Variants in GPATCH2 observed in about 807,000 individuals in gnomAD.
The protein encoded by GPATCH2 is G-patch domain containing 2.
A neutral mutation model predicts 58.0 loss-of-function variants in GPATCH2; 51 were observed. That is an observed-to-expected ratio of 0.88 (90% CI 0.70 to 1.11). The LOEUF is 1.11. Ranked by LOEUF, GPATCH2 falls within the 50% of genes most tolerant of loss-of-function variation. The pLI is 0.00. For synonymous variants in GPATCH2, 222 were observed against 218.5 expected, an observed-to-expected ratio of 1.02 and a Z score of -0.14; for missense variants, 625 against 652.2, an observed-to-expected ratio of 0.96 and a Z score of 0.45.
At chr1:217,624,917 A>G (rs1669378267) in intron 1 of GPATCH2, among the ~76,000 whole-genome samples, 1 of 152,224 alleles carries the variant, frequency 6.6e-6, no homozygotes, top group Admixed American at 6.5e-5. Context: ...TAGTTTTATT[A>G]AAATAGTCCG....
At chr1:217,504,698 G>A (rs543455043) in intron 6 of GPATCH2, among the ~76,000 whole-genome samples, 2 of 152,274 alleles carry the variant, frequency 1.3e-5, no homozygotes, top group East Asian at 3.9e-4. Flanking sequence ...AATTCAGTCT[G>A]TCTGATTCCA....
Position 217,620,108 on chromosome 1 carries a change from C to G in GPATCH2, c.448G>C (p.Val150Leu). The G allele has an allele frequency of 6.2e-7, 1 of 1,614,134 alleles. No individual in the cohort carries two copies. The highest frequency in any genetic ancestry group is 8.5e-7 in the Non-Finnish European group (1 of 1,180,008). Reference sequence around the variant, plus strand: ...AGAGTTCTATTCCCAACATTGTCCACAGCAAAATCAGACTCATGCCATAGA... The same window carrying G: ...AGAGTTCTATTCCCAACATTGTCCAGAGCAAAATCAGACTCATGCCATAGA... ...RPLWHESDFAVDNVGNRTLRR... is the reference protein window; with the variant it reads ...RPLWHESDFALDNVGNRTLRR... Residue 150 changes from valine (V) to leucine (L), a missense_variant, in exon 2 of 10, where the codon GTG becomes CTG. Val to Leu is a conservative substitution (Grantham distance 32). Coordinates refer to ENST00000366935, the MANE Select transcript of GPATCH2 (RefSeq NM_018040.5).
chr1:217,457,526 TAA>T (rs1173418569), intron 8 of GPATCH2, among the ~76,000 whole-genome samples: 4 of 152,182 alleles, frequency 2.6e-5, no homozygotes, highest in Non-Finnish European at 5.9e-5. Flanking sequence ...ACAAAAAAGT[TAA>T]GTAATTTACC....
At position 217,491,728 on chromosome 1, in the gene GPATCH2, C is replaced by T. The variant is rs183060038; in HGVS notation, c.1229G>A (p.Arg410Gln). The T allele has an allele frequency of 4.5e-5, 67 of 1,475,608 alleles. 1 individual carries two copies. In the African/African-American group the frequency reaches 7.9e-4, roughly 17 times the overall value. 91.4% of individuals were successfully genotyped at this position (1,475,608 alleles called of 1,614,324 possible). A position where few individuals can be genotyped will look rare whatever the true frequency, so the allele number is the denominator to read the frequency against. Residue 410 changes from arginine (R) to glutamine (Q), a missense_variant, in exon 8 of 10, where the codon CGA becomes CAA. By Grantham distance (43) the Arg-to-Gln change is conservative. Coordinates refer to ENST00000366935, the MANE Select transcript of GPATCH2 (RefSeq NM_018040.5). ...HDQHQLLRDN[R>Q]AERGHKKNCS... ...ATTTTTCTTGTGTCCTCTTTCAGCT[C>T]GATTATCTCTCAGAAGCTGATGCTA...
intron 5 of GPATCH2, among the ~76,000 whole-genome samples, chr1:217,561,005 G>T (rs151076413): frequency 1.3e-5 from 2 of 152,286 alleles, no homozygotes; most frequent in Non-Finnish European, 2.9e-5. Flanking sequence ...ATTTGAAAAG[G>T]TAAGGGAATA....
At chr1:217,547,968 T>C (rs1665147967) in intron 5 of GPATCH2, among the ~76,000 whole-genome samples, 1 of 152,142 alleles carries the variant, frequency 6.6e-6, no homozygotes, top group Non-Finnish European at 1.5e-5. Flanking sequence ...CTCCTGCTCC[T>C]CCATGGTAAA....
At chr1:217,608,938 C>A (rs928457425) in intron 5 of GPATCH2, 19 of 983,892 alleles carry the variant, frequency 1.9e-5, no homozygotes, top group Non-Finnish European at 2.1e-5. Context: ...CTGTTTAATG[C>A]ATTTGCTGAA....
intron 5 of GPATCH2, among the ~76,000 whole-genome samples, chr1:217,516,816 C>G (rs527898018): frequency 6.6e-6 from 1 of 152,098 alleles, no homozygotes; most frequent in East Asian, 1.9e-4. Context: ...AAATAAACAA[C>G]GTGTTGACAG....
intron 5 of GPATCH2, among the ~76,000 whole-genome samples, chr1:217,573,028 A>G (rs886943626): frequency 2.6e-5 from 4 of 152,234 alleles, no homozygotes; most frequent in African/African-American, 9.6e-5. Flanking sequence ...AGAAGAAAGG[A>G]AGTCCGACAC....
Position 217,610,336 on chromosome 1 carries a change from C to A in GPATCH2, c.1083G>T (p.Gly361=), listed in dbSNP as rs754323000. The A allele has an allele frequency of 1.9e-6, 3 of 1,587,220 alleles. No individual in the cohort carries two copies. The highest frequency in any genetic ancestry group is 2.6e-6 in the Non-Finnish European group (3 of 1,156,454). Reference sequence around the variant, plus strand: ...GTATGCCTACCATTGAAGTTGGAGTCCCTCCAGATTTTTTAATATTCTTTG... The same window carrying A: ...GTATGCCTACCATTGAAGTTGGAGTACCTCCAGATTTTTTAATATTCTTTG... ...MSSKNIKKSG[G]TPTSMVPIPG... is the part of the protein sequence containing the mutation. The change falls in exon 5 of 10, where the codon GGG becomes GGT. Residue 361 remains glycine, a synonymous_variant. Coordinates refer to ENST00000366935, the MANE Select transcript of GPATCH2 (RefSeq NM_018040.5).
chr1:217,559,273 A>C (rs759928398), intron 5 of GPATCH2, among the ~76,000 whole-genome samples: 1 of 152,008 alleles, frequency 6.6e-6, no homozygotes, highest in African/African-American at 2.4e-5. Context: ...CTCAAACACT[A>C]TACTATGCCA....
chr1:217,447,415 G>A (rs1234941203), intron 9 of GPATCH2, among the ~76,000 whole-genome samples: 1 of 152,164 alleles, frequency 6.6e-6, no homozygotes. Flanking sequence ...TGCAGACCTA[G>A]GCTTGAAACC....
chr1:217,458,243 C>T (rs999383387), intron 8 of GPATCH2, among the ~76,000 whole-genome samples: 1 of 152,112 alleles, frequency 6.6e-6, no homozygotes, highest in African/African-American at 2.4e-5. Context: ...AAAAAGATGT[C>T]TTGCTTCCTT....
At chr1:217,476,437 T>C (rs1410719867) in intron 8 of GPATCH2, among the ~76,000 whole-genome samples, 4 of 152,058 alleles carry the variant, frequency 2.6e-5, no homozygotes, top group Admixed American at 2.0e-4. Context: ...GGACTCACAA[T>C]ACCTGGATTT....
chr1:217,513,662 C>CA (rs1662965923), intron 6 of GPATCH2, among the ~76,000 whole-genome samples: 1 of 151,964 alleles, frequency 6.6e-6, no homozygotes, highest in Non-Finnish European at 1.5e-5. Context: ...AATAATTTAC[C>CA]AAAGTCAAAG....
intron 8 of GPATCH2, among the ~76,000 whole-genome samples, chr1:217,484,374 C>T (rs963858767): frequency 6.6e-6 from 1 of 151,650 alleles, no homozygotes; most frequent in Admixed American, 6.6e-5. Flanking sequence ...TCGAGTCTGT[C>T]GACTATCAGA....
intron 3 of GPATCH2, among the ~76,000 whole-genome samples, 154 bp downstream of exon 3, chr1:217,613,987 T>C (rs1214074622): frequency 6.6e-6 from 1 of 152,086 alleles, no homozygotes; most frequent in Non-Finnish European, 1.5e-5. Flanking sequence ...CCATAGCATA[T>C]AAAAAACCAG....
At chr1:217,552,847 A>T (rs1352336182) in intron 5 of GPATCH2, among the ~76,000 whole-genome samples, 1 of 152,148 alleles carries the variant, frequency 6.6e-6, no homozygotes, top group Non-Finnish European at 1.5e-5. Context: ...TGAAGGAAAG[A>T]CAAAATGAAT....
intron 8 of GPATCH2, 45 bp from the exon 9 acceptor site, chr1:217,449,382 T>C: frequency 8.7e-7 from 1 of 1,144,974 alleles, no homozygotes; most frequent in Non-Finnish European, 1.3e-6. Flanking sequence ...GAAGAAAAAA[T>C]GACACATAAA....
Sources: allele counts gnomAD v4.1 joint callset (sites outside exome capture counted in the v4.1 genomes callset), GRCh38; gene constraint gnomAD v4.1.1; transcripts MANE v1.5; gene names NCBI Gene and HGNC (gene_info 2026-07-23, HGNC 2026-07-21).